Variants in CEP89 observed in about 807,000 individuals in gnomAD.
CEP89 encodes centrosomal protein 89.
Under a neutral mutation model 97.6 loss-of-function variants are expected in CEP89, and 95 were observed. The ratio of observed to expected loss-of-function variants is 0.97; its 90% CI spans 0.82 to 1.15. The LOEUF is 1.15. CEP89 is among the 50% of genes most tolerant of loss of function. The pLI, the probability that CEP89 is intolerant of heterozygous loss-of-function variation, is 0.00. For missense variants in CEP89, 869 were observed against 947.7 expected, an observed-to-expected ratio of 0.92 and a Z score of 1.09; for synonymous variants, 354 against 349.1, an observed-to-expected ratio of 1.01 and a Z score of -0.16.
At chr19:32,900,903 T>TTTTTTTTGG (rs1599722239) in intron 15 of CEP89, among the ~76,000 whole-genome samples, 1 of 148,690 alleles carries the variant, frequency 6.7e-6, no homozygotes, top group African/African-American at 2.5e-5. Flanking sequence ...TTTTTTTTTT[T>TTTTTTTTGG]GAGACAGGGT....
At chr19:32,897,729 GT>G (rs760876417) in intron 16 of CEP89, among the ~76,000 whole-genome samples, 2 of 152,044 alleles carry the variant, frequency 1.3e-5, no homozygotes, top group Non-Finnish European at 2.9e-5. Flanking sequence ...GCCTGGCTAA[GT>G]TTTTCGTTAT....
intron 5 of CEP89, among the ~76,000 whole-genome samples, chr19:32,940,536 G>A (rs181196230): frequency 6.6e-6 from 1 of 152,072 alleles, no homozygotes; most frequent in East Asian, 1.9e-4. Context: ...TCCCTGGATG[G>A]GCCAACGCAT....
chr19:32,938,621 G>C (rs948698736), intron 6 of CEP89, among the ~76,000 whole-genome samples: 14 of 152,240 alleles, frequency 9.2e-5, no homozygotes, highest in African/African-American at 3.4e-4. Context: ...ACTTAAGTTA[G>C]AACTATTTCC....
chr19:32,877,143 C>A lies in CEP89; in HGVS notation c.*2019G>T, dbSNP rs1969189712. Reference sequence around the variant, plus strand: ...GGGAGATGATACACAGTTTTCAATCCCAGTGAGTCTTTCTACCGCTTGTAA... The same window carrying A: ...GGGAGATGATACACAGTTTTCAATCACAGTGAGTCTTTCTACCGCTTGTAA... On this transcript the variant is annotated 3_prime_UTR_variant, in exon 19 of 19. Coordinates refer to ENST00000305768, the MANE Select transcript of CEP89 (RefSeq NM_032816.5). The A allele has an allele frequency of 6.6e-6, 1 of 152,182 alleles. No individual in the cohort carries two copies. The highest frequency in any genetic ancestry group is 2.4e-5 in the African/African-American group (1 of 41,450). The allele number at this position is 152,182 out of a possible 1,614,324, so 9.4% of individuals were successfully genotyped here.
intron 14 of CEP89, among the ~76,000 whole-genome samples, chr19:32,908,059 G>A (rs1969925011): frequency 6.6e-6 from 1 of 152,188 alleles, no homozygotes; most frequent in Admixed American, 6.5e-5. Context: ...TCTGTGTGCA[G>A]GAGGCTATGC....
chr19:32,940,272 A>C, intron 5 of CEP89, among the ~76,000 whole-genome samples: 2 of 89,438 alleles, frequency 2.2e-5, no homozygotes, highest in Non-Finnish European at 4.5e-5. Context: ...ATCACGCTCT[A>C]TACATCTTCC....
intron 2 of CEP89, among the ~76,000 whole-genome samples, chr19:32,965,179 A>T (rs1971254784): frequency 1.3e-5 from 2 of 152,134 alleles, no homozygotes; most frequent in South Asian, 4.1e-4. Context: ...TCCCAGGATC[A>T]GTTTACCCTA....
chr19:32,903,813 T>C (rs1969833143), intron 14 of CEP89, among the ~76,000 whole-genome samples: 1 of 152,112 alleles, frequency 6.6e-6, no homozygotes, highest in Non-Finnish European at 1.5e-5. Context: ...CCAAACTTGA[T>C]GAAAAATACA....
chr19:32,920,971 A>C (rs1224997922), intron 12 of CEP89, among the ~76,000 whole-genome samples: 1 of 151,758 alleles, frequency 6.6e-6, no homozygotes, highest in Non-Finnish European at 1.5e-5. Flanking sequence ...TAATCCCAGC[A>C]CTTTGGGAGG....
chr19:32,951,617 C>T (rs1970921149), intron 4 of CEP89, among the ~76,000 whole-genome samples: 1 of 150,996 alleles, frequency 6.6e-6, no homozygotes, highest in Non-Finnish European at 1.5e-5. Context: ...AATAAAAACA[C>T]AAACTTCCAG....
At chr19:32,967,180 A>T (rs1971301360) in intron 1 of CEP89, among the ~76,000 whole-genome samples, 1 of 152,128 alleles carries the variant, frequency 6.6e-6, no homozygotes. Context: ...ATTGCCTCAC[A>T]CCTCATAGGG....
At chr19:32,917,911 G>T in intron 13 of CEP89, 1 of 437,368 alleles carries the variant, frequency 2.3e-6, no homozygotes, top group Non-Finnish European at 3.0e-6. Context: ...TATTTCAGAT[G>T]TTTACCTCAC....
chr19:32,954,928 G>A (rs1045703758), intron 3 of CEP89, among the ~76,000 whole-genome samples: 11 of 151,622 alleles, frequency 7.3e-5, no homozygotes, highest in Admixed American at 6.6e-4. Flanking sequence ...GCCTCCCAAA[G>A]TGCTGGGATT....
Position 32,899,952 on chromosome 19 carries a change from C to T in CEP89, c.1780G>A (p.Ala594Thr). The change falls in exon 16 of 19, where the codon GCC (alanine) becomes ACC (threonine). Residue 594 changes from alanine to threonine, a missense_variant. Transcript: ENST00000305768. ...IEVLKKQVEK[A>T]MGNEMSAHQY... The stretch of plus-strand genomic sequence containing the variant: ...TGAGCAGACATTTCGTTCCCCATGG[C>T]TTTTTCCACCTGCTTTTTGAGGACC... The T allele has an allele frequency of 6.2e-7, 1 of 1,614,116 alleles. No homozygotes were observed. Among genetic ancestry groups the T allele is most frequent in the South Asian group, 1.1e-5 (1 of 91,084 alleles).
At chr19:32,953,198 C>T (rs1970961748) in intron 4 of CEP89, among the ~76,000 whole-genome samples, 1 of 150,476 alleles carries the variant, frequency 6.6e-6, no homozygotes, top group Admixed American at 6.7e-5. Flanking sequence ...GAGTTAGAAA[C>T]GGGAGCGCTC....
chr19:32,917,288 T>TG (rs1970146643), intron 13 of CEP89, among the ~76,000 whole-genome samples: 1 of 152,210 alleles, frequency 6.6e-6, no homozygotes, highest in Admixed American at 6.5e-5. Flanking sequence ...CAAATACTCC[T>TG]GGGCCATGCA....
rs929169627 is a variant in CEP89, at chr19:32,879,196, G to A, written c.2318C>T (p.Ser773Phe). Residue 773 changes from serine to phenylalanine, a missense_variant, in exon 19 of 19, where the codon TCC (serine) becomes TTC (phenylalanine). By Grantham distance (155) the Ser-to-Phe change is radical. Coordinates refer to ENST00000305768, the MANE Select transcript of CEP89 (RefSeq NM_032816.5). ...ADLLDGCDVC[S>F]YDLKSHAPTC is the part of the protein sequence containing the mutation. ...GGGGGCATGAGACTTCAGGTCATAG[G>A]AGCAGACATCGCAGCCGTCCAGCAG... The A allele has an allele frequency of 2.5e-5, 41 of 1,613,790 alleles. No homozygotes were observed. The highest frequency in any genetic ancestry group is 3.1e-5 in the Non-Finnish European group (36 of 1,179,896).
Position 32,931,539 on chromosome 19 carries a change from G to GT in CEP89, c.918dup (p.Gln307ThrfsTer8), listed in dbSNP as rs768543814. On this transcript the variant is annotated frameshift_variant, in exon 9 of 19. Coordinates refer to ENST00000305768, the MANE Select transcript of CEP89 (RefSeq NM_032816.5). LOFTEE classifies it high-confidence loss of function. ...TTTTCATCCACCAGTTCTTGAGCTT[G>GT]TTTTCGCAGATAAAGTAATTCAGGT... The GT allele has an allele frequency of 6.3e-7, 1 of 1,581,442 alleles. No individual in the cohort carries two copies. Among genetic ancestry groups the GT allele is most frequent in the Non-Finnish European group, 8.5e-7 (1 of 1,172,236 alleles).
At position 32,933,683 on chromosome 19, in the gene CEP89, G is replaced by A. The variant is rs1283685816; in HGVS notation, c.668-14C>T. On this transcript the variant is annotated splice_polypyrimidine_tract_variant and intron_variant, in intron 7 of 18. Transcript: ENST00000305768. Reference sequence around the variant, plus strand: ...TACCAGTTATATCTGAAAGGGTTCAGGGGAAAATTTTACAATGTTAATTGA... The same window carrying A: ...TACCAGTTATATCTGAAAGGGTTCAAGGGAAAATTTTACAATGTTAATTGA... 1.3e-6 allele frequency: 2 copies of A among 1,522,690 alleles called. No homozygotes were observed. The highest frequency in any genetic ancestry group is 2.8e-5 in the African/African-American group (2 of 72,496). The allele number at this position is 1,522,690 out of a possible 1,614,324, so 94.3% of individuals were successfully genotyped here. A position where few individuals can be genotyped will look rare whatever the true frequency, so the allele number is the denominator to read the frequency against.
Sources: gnomAD v4.1 joint callset for allele counts (sites outside exome capture counted in the v4.1 genomes callset) on GRCh38, gnomAD v4.1.1 for gene constraint, MANE v1.5 for transcripts, NCBI Gene and HGNC (gene_info 2026-07-23, HGNC 2026-07-21) for gene names.